The following PIK3AP1 variants were observed in gnomAD, a reference collection of about 807,000 sequenced individuals.
PIK3AP1 encodes the protein phosphoinositide 3-kinase adapter protein 1.
In PIK3AP1, 21 loss-of-function variants were observed where a neutral mutation model predicts 88.1. The observed-to-expected ratio is 0.24, with a 90% CI of 0.17 to 0.34. The LOEUF (loss-of-function observed/expected upper bound fraction) is 0.34, where lower values mean the gene tolerates loss of function less well. Ranked by LOEUF, PIK3AP1 falls within the 10% of genes least tolerant of loss-of-function variation. PIK3AP1 has a pLI of 1.00. For missense variants in PIK3AP1, 828 were observed against 1,035.7 expected (o/e 0.80, Z 2.75); for synonymous variants, 398 against 400.0 (o/e 1.00, Z 0.06).
intron 14 of PIK3AP1, among the ~76,000 whole-genome samples, chr10:96,605,509 G>A (rs1237800592): frequency 1.3e-5 from 2 of 152,118 alleles, no homozygotes; most frequent in African/African-American, 4.8e-5. Flanking sequence ...CAAAAATAAG[G>A]AGATCTTAAC....
At chr10:96,670,699 A>G (rs1229852303) in intron 2 of PIK3AP1, among the ~76,000 whole-genome samples, 2 of 152,164 alleles carry the variant, frequency 1.3e-5, no homozygotes. Context: ...TATTCAGGAG[A>G]AAAGGAAATT....
intron 8 of PIK3AP1, among the ~76,000 whole-genome samples, chr10:96,637,039 A>C (rs1843321058): frequency 6.6e-6 from 1 of 152,228 alleles, no homozygotes; most frequent in South Asian, 2.1e-4. Context: ...TCAGCTACTG[A>C]AAGACTATTC....
intron 8 of PIK3AP1, among the ~76,000 whole-genome samples, chr10:96,640,809 C>T (rs1156826236): frequency 6.6e-6 from 1 of 151,876 alleles, no homozygotes. Context: ...AGGCATGTGC[C>T]ACCACGCCCT....
chr10:96,715,609 G>T (rs547515105), intron 1 of PIK3AP1, among the ~76,000 whole-genome samples: 2 of 152,286 alleles, frequency 1.3e-5, no homozygotes, highest in South Asian at 4.1e-4. Context: ...GTATCATTGA[G>T]GCTGGGCGCG....
At position 96,595,582 on chromosome 10, in the gene PIK3AP1, G is replaced by A. The variant is rs1228977393; in HGVS notation, c.2413C>T (p.Arg805Cys). 8.1e-6 allele frequency: 13 copies of A among 1,613,224 alleles called. No homozygotes were observed. Among genetic ancestry groups the A allele is most frequent in the East Asian group, 4.5e-5 (2 of 44,892 alleles). Residue 805 changes from arginine (R) to cysteine (C), a missense_variant, in exon 17 of 17, where the codon CGC (arginine) becomes TGC (cysteine). Coordinates refer to ENST00000339364, the MANE Select transcript of PIK3AP1 (RefSeq NM_152309.3). ...GCAGGTTTTAGGAGGTGGAATCAGCGTCCTCTGGGTGGAACAGGTGGAGGA... is the reference window on the plus strand; with the variant it reads ...GCAGGTTTTAGGAGGTGGAATCAGCATCCTCTGGGTGGAACAGGTGGAGGA... ...HPPPPVPPRG[R>C]
At chr10:96,606,005 C>A (rs1848996178) in intron 14 of PIK3AP1, among the ~76,000 whole-genome samples, 1 of 152,208 alleles carries the variant, frequency 6.6e-6, no homozygotes, top group African/African-American at 2.4e-5. Context: ...ACTGCTTGAA[C>A]CCGGGAGGCA....
intron 12 of PIK3AP1, chr10:96,618,589 TAAA>T (rs5787201): frequency 1.5e-4 from 22 of 143,440 alleles, no homozygotes; most frequent in Admixed American, 2.8e-4. Flanking sequence ...CAAGAAAATG[TAAA>T]AAAAAAAAAA....
chr10:96,623,080 TA>T (rs1166808378), intron 11 of PIK3AP1, among the ~76,000 whole-genome samples: 3 of 152,158 alleles, frequency 2.0e-5, no homozygotes, highest in Non-Finnish European at 4.4e-5. Context: ...AGGTCCTTTG[TA>T]CGACCAATTT....
chr10:96,686,284 A>G lies in PIK3AP1; in HGVS notation c.430+23283T>C, dbSNP rs1844066998. 2.0e-5 allele frequency among the ~76,000 whole-genome samples: 3 copies of G among 152,300 alleles called. No homozygotes were observed. In the South Asian group the frequency reaches 6.2e-4, roughly 32 times the overall value. ...TTCAACCCAACAGCCAGCCAACTAA[A>G]CAGCATTTACTAAGATCTCTGAGAG... On this transcript the variant is annotated intron_variant, in intron 2 of 16. Coordinates refer to ENST00000339364, the MANE Select transcript of PIK3AP1 (RefSeq NM_152309.3).
In PIK3AP1 at chr10:96,645,397, G is replaced by A. The variant is rs1195686786; in HGVS notation, c.1375+76C>T. 8.1e-6 allele frequency: 12 copies of A among 1,488,256 alleles called. No homozygotes were observed. In the East Asian group the frequency reaches 1.2e-4, roughly 15 times the overall value. The allele number at this position is 1,488,256 out of a possible 1,614,324, so 92.2% of individuals were successfully genotyped here. Reference sequence around the variant, plus strand: ...AGTGAGGGTACATAGGGACTGCCCCGCGCCATCTTCATCCGGAATGAAAAA... The same window carrying A: ...AGTGAGGGTACATAGGGACTGCCCCACGCCATCTTCATCCGGAATGAAAAA... On this transcript the variant is annotated intron_variant, in intron 8 of 16. Coordinates refer to ENST00000339364, the MANE Select transcript of PIK3AP1 (RefSeq NM_152309.3).
rs996067839 is a variant in PIK3AP1 at position 96,720,379 on chromosome 10, C to T, written c.13+3G>A. 5.6e-6 allele frequency: 7 copies of T among 1,241,112 alleles called. No homozygotes were observed. The African/African-American group carries it at 9.3e-5, about 17-fold the overall frequency. 76.9% of individuals were successfully genotyped at this position (1,241,112 alleles called of 1,614,324 possible). A position where few individuals can be genotyped will look rare whatever the true frequency, so the allele number is the denominator to read the frequency against. On this transcript the variant is annotated splice_donor_region_variant and intron_variant, in intron 1 of 16. Transcript: ENST00000339364. This position sits in a 1 kb window ranked among gnomAD's most constrained non-coding sequence, Gnocchi z 4.6. Reference sequence around the variant, plus strand: ...CGGGGACCCGCGGCGCCTGCCTACCCACCTGAGGCTGCCATGCCGCGGGGC... The same window carrying T: ...CGGGGACCCGCGGCGCCTGCCTACCTACCTGAGGCTGCCATGCCGCGGGGC...
chr10:96,628,580 A>G (rs964534698), intron 8 of PIK3AP1, 87 bp from the exon 9 acceptor site: 1 of 1,095,244 alleles, frequency 9.1e-7, no homozygotes, highest in African/African-American at 1.6e-5. Flanking sequence ...AGGTTTGGCA[A>G]CTCTCTTAAG....
chr10:96,600,071 A>T (rs182262693), intron 16 of PIK3AP1, among the ~76,000 whole-genome samples: 1 of 152,160 alleles, frequency 6.6e-6, no homozygotes, highest in Non-Finnish European at 1.5e-5. Context: ...AACTGCTTCC[A>T]AAGTCCTCAC....
intron 13 of PIK3AP1, among the ~76,000 whole-genome samples, chr10:96,614,501 G>A (rs904074570): frequency 2.0e-5 from 3 of 151,556 alleles, no homozygotes; most frequent in African/African-American, 7.3e-5. Context: ...CCAAGCAGAA[G>A]ACATAGGATG....
At chr10:96,695,692 A>G (rs117031756) in intron 2 of PIK3AP1, among the ~76,000 whole-genome samples, 1,651 of 152,138 alleles carry the variant, frequency 0.011, 10 homozygotes, top group Middle Eastern at 0.031. Context: ...GACTAACCCA[A>G]TTCTAGAGGT....
intron 11 of PIK3AP1, chr10:96,621,548 C>T (rs1285935585): frequency 6.6e-6 from 1 of 152,336 alleles, no homozygotes; most frequent in Non-Finnish European, 1.5e-5. Context: ...TAGGCGTCGA[C>T]TCCTTGTTCT....
At chr10:96,707,134 G>A (rs1174730956) in intron 2 of PIK3AP1, among the ~76,000 whole-genome samples, 1 of 152,160 alleles carries the variant, frequency 6.6e-6, no homozygotes, top group Non-Finnish European at 1.5e-5. Flanking sequence ...CGAGACACTT[G>A]AAGCTAAAGG....
intron 8 of PIK3AP1, among the ~76,000 whole-genome samples, chr10:96,638,858 GC>G (rs1843348575): frequency 6.6e-6 from 1 of 152,184 alleles, no homozygotes; most frequent in African/African-American, 2.4e-5. Context: ...TAGAATGTAA[GC>G]TTTGAAAGGC....
chr10:96,650,190 G>A (rs1191185224), intron 6 of PIK3AP1, among the ~76,000 whole-genome samples: 4 of 152,138 alleles, frequency 2.6e-5, no homozygotes, highest in Non-Finnish European at 5.9e-5. Context: ...AGGAAAATGG[G>A]GAGAGGCAAT....
Sources: allele counts gnomAD v4.1 joint callset (sites outside exome capture counted in the v4.1 genomes callset), GRCh38; gene constraint gnomAD v4.1.1; non-coding constraint Gnocchi (gnomAD v3.1); transcripts MANE v1.5; gene names NCBI Gene and HGNC (gene_info 2026-07-23, HGNC 2026-07-21).